The following POFUT1 variants were observed in gnomAD, a reference collection of about 807,000 sequenced individuals.
POFUT1 encodes GDP-fucose protein O-fucosyltransferase 1.
A neutral mutation model predicts 42.4 loss-of-function variants in POFUT1; 16 were observed. The observed-to-expected ratio is 0.38, with a 90% confidence interval of 0.26 to 0.57. POFUT1 has a LOEUF of 0.57. Among genes scored for constraint, POFUT1 ranks in the 20% least tolerant of loss-of-function variants. The probability of loss-of-function intolerance (pLI) is 0.71; values close to 1 mark genes in which losing one functional copy is unlikely to be tolerated. For synonymous variants in POFUT1, 206 were observed against 205.4 expected, an observed-to-expected ratio of 1.00 and a Z score of -0.03; for missense variants, 470 against 504.6, an observed-to-expected ratio of 0.93 and a Z score of 0.66.
At position 32,237,883 on chromosome 20, in the gene POFUT1, A is replaced by G. The variant is rs761338048; in HGVS notation, c.*3222A>G. The G allele has an allele frequency of 4.0e-5, 21 of 529,680 alleles. 1 individual carries two copies. The highest frequency in any genetic ancestry group is 1.5e-5 in the Non-Finnish European group (4 of 258,150). 32.8% of individuals were successfully genotyped at this position (529,680 alleles called of 1,614,324 possible). A position where few individuals can be genotyped will look rare whatever the true frequency, so the allele number is the denominator to read the frequency against. The stretch of plus-strand genomic sequence containing the variant: ...AGGCCATTGCATTGAAGGAGGTGGG[A>G]AATGATTAGATTCTGAACATATGTA... On this transcript the variant is annotated 3_prime_UTR_variant, in exon 7 of 7. Transcript: ENST00000375749.
chr20:32,209,971 C>T (rs1287595414), intron 1 of POFUT1, 100 bp from the exon 2 acceptor site: 4 of 1,332,638 alleles, frequency 3.0e-6, no homozygotes, highest in Non-Finnish European at 4.3e-6. Context: ...CCTTGGTATC[C>T]CTGACTTTCT....
At chr20:32,208,173 T>G in intron 1 of POFUT1, 108 bp downstream of exon 1, 1 of 1,166,004 alleles carries the variant, frequency 8.6e-7, no homozygotes, top group Non-Finnish European at 1.2e-6. Context: ...GGAGAGAACC[T>G]CAGAGCGGGA....
chr20:32,210,140 T>G lies in POFUT1; in HGVS notation c.194T>G (p.Leu65Trp), dbSNP rs1235950838. 2 of 1,614,122 alleles carry G rather than the reference T, an allele frequency of 1.2e-6. No homozygotes were observed. The highest frequency in any genetic ancestry group is 1.7e-6 in the Non-Finnish European group (2 of 1,179,958). The change falls in exon 2 of 7, where the codon TTG (leucine) becomes TGG (tryptophan). Residue 65 changes from leucine (L) to tryptophan (W), a missense_variant. Leu to Trp is a moderately conservative substitution (Grantham distance 61, BLOSUM62 -2). Transcript: ENST00000375749. ...LAFAKLLNRT[L>W]AVPPWIEYQH... is the part of the protein sequence containing the mutation. Reference sequence around the variant, plus strand: ...TTTGCAAAGCTGCTAAACCGTACCTTGGCTGTCCCTCCTTGGATTGAGTAC... The same window carrying G: ...TTTGCAAAGCTGCTAAACCGTACCTGGGCTGTCCCTCCTTGGATTGAGTAC...
intron 4 of POFUT1, among the ~76,000 whole-genome samples, chr20:32,226,336 A>G (rs546873955): frequency 1.3e-5 from 2 of 152,116 alleles, no homozygotes; most frequent in Non-Finnish European, 2.9e-5. Flanking sequence ...ATTTCCCCCA[A>G]TGGTAACATT....
In POFUT1 at chr20:32,228,304, C is replaced by G; in HGVS notation, c.584C>G (p.Ala195Gly). The change falls in exon 5 of 7, where the codon GCC becomes GGC. Residue 195 changes from alanine (A) to glycine (G), a missense_variant. Ala to Gly is a moderately conservative substitution (Grantham distance 60). Transcript: ENST00000375749. ...KEHPVLALPG[A>G]PAQFPVLEEH... ...CATCCGGTGCTTGCCCTGCCAGGAG[C>G]CCCAGCCCAGTTCCCCGTCCTAGAG... The G allele has an allele frequency of 6.2e-7, 1 of 1,614,020 alleles. No individual in the cohort carries two copies. The highest frequency in any genetic ancestry group is 8.5e-7 in the Non-Finnish European group (1 of 1,179,904).
intron 4 of POFUT1, among the ~76,000 whole-genome samples, chr20:32,227,257 AC>A (rs2047419270): frequency 6.6e-6 from 1 of 152,118 alleles, no homozygotes; most frequent in South Asian, 2.1e-4. Flanking sequence ...GGTGGCCCAC[AC>A]CTGTAATCCC....
At chr20:32,208,488 T>C (rs2047306638) in intron 1 of POFUT1, among the ~76,000 whole-genome samples, 1 of 152,082 alleles carries the variant, frequency 6.6e-6, no homozygotes, top group Non-Finnish European at 1.5e-5. Context: ...CGTGTCCTTG[T>C]AGAGCCTTCA....
At chr20:32,223,540 C>T (rs548246945) in intron 4 of POFUT1, 7 of 982,386 alleles carry the variant, frequency 7.1e-6, no homozygotes, top group Non-Finnish European at 8.4e-6. Context: ...TCCTGATATT[C>T]CAGCCCCACT....
intron 4 of POFUT1, chr20:32,217,655 G>T: frequency 1.0e-6 from 1 of 985,726 alleles, no homozygotes. Flanking sequence ...GATAGCCAGC[G>T]CTGATGGTAT....
intron 6 of POFUT1, among the ~76,000 whole-genome samples, chr20:32,231,640 A>G (rs1308089385): frequency 2.0e-5 from 3 of 152,218 alleles, no homozygotes; most frequent in Non-Finnish European, 4.4e-5. Flanking sequence ...CAGCCTTGAA[A>G]AAGTTATTTG....
At position 32,216,730 on chromosome 20, in the gene POFUT1, AG is replaced by A; in HGVS notation, c.542+14del. 1 of 1,582,882 alleles carries A rather than the reference AG, an allele frequency of 6.3e-7. No homozygotes were observed. The highest frequency in any genetic ancestry group is 8.7e-7 in the Non-Finnish European group (1 of 1,151,654). ...GAACAATGGAGCCAGAGGTACTTGG[AG>A]GGGGTAGCGTTTCTGGGTTTAGGGG... On this transcript the variant is annotated intron_variant, in intron 4 of 6. Transcript: ENST00000375749.
At position 32,234,623 on chromosome 20, in the gene POFUT1, G is replaced by C; in HGVS notation, c.1129G>C (p.Gly377Arg). The C allele has an allele frequency of 6.2e-7, 1 of 1,613,392 alleles. No homozygotes were observed. The highest frequency in any genetic ancestry group is 1.1e-5 in the South Asian group (1 of 90,988). Reference sequence around the variant, plus strand: ...CCAGGGGAGGCCGTCTTCTTTCTTCGGCATGGACAGGCCCCCTAAGCTGCG... The same window carrying C: ...CCAGGGGAGGCCGTCTTCTTTCTTCCGCATGGACAGGCCCCCTAAGCTGCG... ...DLQGRPSSFF[G>R]MDRPPKLRDE... The change falls in exon 7 of 7, where the codon GGC becomes CGC. Residue 377 changes from glycine to arginine, a missense_variant. Gly to Arg is a moderately radical substitution (Grantham distance 125, BLOSUM62 -2). Transcript: ENST00000375749.
rs1371264815 is a variant in POFUT1 at position 32,234,615 on chromosome 20, C to T, written c.1121C>T (p.Ser374Phe). ...CGGGACCTCCAGGGGAGGCCGTCTT[C>T]TTTCTTCGGCATGGACAGGCCCCCT... is the stretch of plus-strand genomic sequence containing the variant. ...RERDLQGRPS[S>F]FFGMDRPPKL... Residue 374 changes from serine to phenylalanine, a missense_variant, in exon 7 of 7, where the codon TCT (serine) becomes TTT (phenylalanine). Ser to Phe is a radical substitution (Grantham distance 155). Transcript: ENST00000375749. The T allele has an allele frequency of 1.2e-6, 2 of 1,613,734 alleles. No individual in the cohort carries two copies. The highest frequency in any genetic ancestry group is 1.7e-6 in the Non-Finnish European group (2 of 1,179,856).
chr20:32,224,047 A>G (rs938134898), intron 4 of POFUT1, among the ~76,000 whole-genome samples: 14 of 152,218 alleles, frequency 9.2e-5, no homozygotes, highest in Non-Finnish European at 1.5e-4. Context: ...AGCATTGCCT[A>G]TCACATAATG....
intron 2 of POFUT1, 126 bp downstream of exon 2, chr20:32,210,318 A>G: frequency 1.1e-6 from 1 of 889,068 alleles, no homozygotes. Flanking sequence ...TCCAGCCAGA[A>G]CTGTCTTCAC....
intron 4 of POFUT1, among the ~76,000 whole-genome samples, chr20:32,225,059 T>C (rs1222846686): frequency 6.6e-6 from 1 of 152,242 alleles, no homozygotes; most frequent in Non-Finnish European, 1.5e-5. Context: ...TGATAATACA[T>C]TAATCCTCTC....
rs1363684942 is a variant in POFUT1, at chr20:32,217,169, A to G, written c.542+448A>G. The G allele has an allele frequency of 2.5e-5, 37 of 1,498,274 alleles. No individual in the cohort carries two copies. The South Asian group carries it at 4.0e-4, about 16-fold the overall frequency. 92.8% of individuals were successfully genotyped at this position (1,498,274 alleles called of 1,614,324 possible). ...ATTAGCCCCTGTTTTTAAAAAATAT[A>G]GGTTAGCAGGACGTGGGCACAGGCC... is the stretch of plus-strand genomic sequence containing the variant. On this transcript the variant is annotated intron_variant, in intron 4 of 6. Transcript: ENST00000375749.
In POFUT1 at chr20:32,228,293, C is replaced by T. The variant is rs751396930; in HGVS notation, c.573C>T (p.Ala191=). Residue 191 remains alanine (A), a synonymous_variant, in exon 5 of 7, where the codon GCC becomes GCT. Transcript: ENST00000375749. ...CTCCAAAGGAACATCCGGTGCTTGC[C>T]CTGCCAGGAGCCCCAGCCCAGTTCC... The part of the protein sequence containing the change: ...RFSPKEHPVL[A]LPGAPAQFPV... The T allele has an allele frequency of 1.9e-6, 3 of 1,613,852 alleles. No homozygotes were observed. The South Asian group carries it at 3.3e-5, about 18-fold the overall frequency.
rs2047484293 is a variant in POFUT1 at position 32,238,423 on chromosome 20, C to T, written c.*3762C>T. 6.6e-6 allele frequency: 1 copy of T among 151,774 alleles called. No individual in the cohort carries two copies. Among genetic ancestry groups the T allele is most frequent in the African/African-American group, 2.4e-5 (1 of 41,302 alleles). The allele number at this position is 151,774 out of a possible 1,614,324, so 9.4% of individuals were successfully genotyped here. On this transcript the variant is annotated 3_prime_UTR_variant, in exon 7 of 7. Coordinates refer to ENST00000375749, the MANE Select transcript of POFUT1 (RefSeq NM_015352.2). ...TCAAAAAAAAGGAGACTTCATGTGCCCCCAATTTTTCACTATTGTTATTTG... is the reference window on the plus strand; with the variant it reads ...TCAAAAAAAAGGAGACTTCATGTGCTCCCAATTTTTCACTATTGTTATTTG...
Sources: allele counts gnomAD v4.1 joint callset (sites outside exome capture counted in the v4.1 genomes callset), GRCh38; gene constraint gnomAD v4.1.1; transcripts MANE v1.5; gene names NCBI Gene and HGNC (gene_info 2026-07-23, HGNC 2026-07-21).